Variants in CTNNA3 observed in about 807,000 individuals in gnomAD.
The protein encoded by CTNNA3 is catenin alpha-3.
In CTNNA3, 76 loss-of-function variants were observed where a neutral mutation model predicts 95.7. That is an observed-to-expected ratio of 0.79 (90% confidence interval 0.66 to 0.96). CTNNA3 has a LOEUF of 0.96. Among genes scored for constraint, CTNNA3 ranks in the 40% least tolerant of loss-of-function variants. The probability of loss-of-function intolerance (pLI) is 0.00; values close to 1 mark genes in which losing one functional copy is unlikely to be tolerated. For synonymous variants in CTNNA3, 431 were observed against 374.4 expected, an observed-to-expected ratio of 1.15 and a Z score of -1.74; for missense variants, 1,191 against 1,089.8, an observed-to-expected ratio of 1.09 and a Z score of -1.31.
intron 9 of CTNNA3, among the ~76,000 whole-genome samples, chr10:66,765,817 T>G (rs942166480): frequency 1.3e-5 from 2 of 152,148 alleles, no homozygotes; most frequent in Non-Finnish European, 2.9e-5. Context: ...CTACCCCTAC[T>G]TACTTATTCC....
intron 5 of CTNNA3, among the ~76,000 whole-genome samples, chr10:67,337,200 G>A (rs1175367764): frequency 1.3e-5 from 2 of 152,138 alleles, no homozygotes; most frequent in Admixed American, 6.5e-5. Context: ...ATTCATGGGA[G>A]GAGGTCAAAA....
chr10:66,391,071 T>G (rs566798444), intron 11 of CTNNA3, among the ~76,000 whole-genome samples: 5 of 152,108 alleles, frequency 3.3e-5, no homozygotes, highest in Non-Finnish European at 7.4e-5. Flanking sequence ...TAGTCAAAAT[T>G]GTAGTCACTT....
rs150628384 is a variant in CTNNA3, at chr10:67,359,444, G to A, written c.580-139574C>T. 1.9e-3 allele frequency among the ~76,000 whole-genome samples: 286 copies of A among 152,188 alleles called. 1 individual carries two copies. Among genetic ancestry groups the A allele is most frequent in the Non-Finnish European group, 2.7e-3 (185 of 67,986 alleles). On this transcript the variant is annotated intron_variant, in intron 5 of 17. Coordinates refer to ENST00000433211, the MANE Select transcript of CTNNA3 (RefSeq NM_013266.4). ...CAGAATCTGGATGGGTAGGAAGCTC[G>A]ATGAGATTCAAGAAAAAGTTGAAAG... is the stretch of plus-strand genomic sequence containing the variant.
rs534354906 is a variant in CTNNA3 at position 67,057,301 on chromosome 10, T to G, written c.1047+123016A>C. Among the ~76,000 whole-genome samples, 35 of 152,270 alleles carry G rather than the reference T, an allele frequency of 2.3e-4. No individual in the cohort carries two copies. The South Asian group carries it at 7.0e-3, about 31-fold the overall frequency. On this transcript the variant is annotated intron_variant, in intron 7 of 17. Coordinates refer to ENST00000433211, the MANE Select transcript of CTNNA3 (RefSeq NM_013266.4). ...TGTGCTGAGAATACTTAGGTTCCAC[T>G]TTCTTAGCATATGTCAAGTATACTC...
At chr10:66,702,735 T>C (rs978271818) in intron 9 of CTNNA3, among the ~76,000 whole-genome samples, 4 of 100,234 alleles carry the variant, frequency 4.0e-5, no homozygotes, top group Non-Finnish European at 9.1e-5. Flanking sequence ...AAAGAATAAG[T>C]AGTAGTAGTA....
intron 7 of CTNNA3, among the ~76,000 whole-genome samples, chr10:66,900,326 C>A (rs562610242): frequency 6.6e-6 from 1 of 152,244 alleles, no homozygotes; most frequent in South Asian, 2.1e-4. Flanking sequence ...ATAGCATCAA[C>A]ATCAACAAAA....
At chr10:67,025,327 A>G (rs1853304221) in intron 7 of CTNNA3, among the ~76,000 whole-genome samples, 2 of 151,006 alleles carry the variant, frequency 1.3e-5, no homozygotes. Flanking sequence ...TTGTAAGCCC[A>G]TGCAAAAAAA....
At chr10:66,888,710 C>A (rs896327052) in intron 7 of CTNNA3, among the ~76,000 whole-genome samples, 2 of 152,150 alleles carry the variant, frequency 1.3e-5, no homozygotes, top group Non-Finnish European at 1.5e-5. Flanking sequence ...ATCCAAAACA[C>A]TATAACACCA....
chr10:66,847,945 T>C (rs1042199424), intron 7 of CTNNA3, among the ~76,000 whole-genome samples: 6 of 152,072 alleles, frequency 3.9e-5, no homozygotes, highest in African/African-American at 1.4e-4. Context: ...AGGTATGTTA[T>C]AATAGATGAG....
chr10:66,571,250 T>C (rs773606598), intron 10 of CTNNA3, among the ~76,000 whole-genome samples: 5 of 152,220 alleles, frequency 3.3e-5, no homozygotes, highest in Non-Finnish European at 7.3e-5. Flanking sequence ...TATAGTCATA[T>C]GTGTAGGTGT....
intron 13 of CTNNA3, among the ~76,000 whole-genome samples, chr10:66,217,969 A>C (rs573586661): frequency 5.9e-5 from 9 of 152,156 alleles, no homozygotes; most frequent in African/African-American, 2.2e-4. Context: ...TAGGGGAAGG[A>C]GCTGGAGCCA....
At chr10:66,190,407 G>T (rs2086605816) in intron 13 of CTNNA3, among the ~76,000 whole-genome samples, 1 of 152,100 alleles carries the variant, frequency 6.6e-6, no homozygotes, top group African/African-American at 2.4e-5. Context: ...TGGAAGAGTA[G>T]TCTTTTAGAC....
At chr10:67,021,822 A>G (rs1853032525) in intron 7 of CTNNA3, among the ~76,000 whole-genome samples, 1 of 152,336 alleles carries the variant, frequency 6.6e-6, no homozygotes, top group East Asian at 1.9e-4. Flanking sequence ...AATGAAAGGA[A>G]GTACTATAAA....
At chr10:66,851,982 A>G (rs369422246) in intron 7 of CTNNA3, among the ~76,000 whole-genome samples, 2 of 152,116 alleles carry the variant, frequency 1.3e-5, no homozygotes, top group East Asian at 3.9e-4. Context: ...AAAGACAACA[A>G]TGGGATGAAG....
At chr10:67,255,446 C>G (rs540892957) in intron 5 of CTNNA3, among the ~76,000 whole-genome samples, 49 of 152,136 alleles carry the variant, frequency 3.2e-4, no homozygotes, top group Non-Finnish European at 6.8e-4. Flanking sequence ...TCCAACAATC[C>G]TGAGACCTAT....
chr10:66,753,828 T>A (rs934561987), intron 9 of CTNNA3, among the ~76,000 whole-genome samples: 17 of 151,826 alleles, frequency 1.1e-4, no homozygotes, highest in Admixed American at 5.9e-4. Flanking sequence ...CTGAATAAAT[T>A]TAATGAAATA....
At chr10:67,529,090 C>T (rs1450221473) in intron 4 of CTNNA3, among the ~76,000 whole-genome samples, 2 of 151,776 alleles carry the variant, frequency 1.3e-5, no homozygotes, top group Non-Finnish European at 2.9e-5. Flanking sequence ...GTTAGCGATT[C>T]CAGAATGTAT....
intron 12 of CTNNA3, among the ~76,000 whole-genome samples, chr10:66,356,545 T>C (rs1270275242): frequency 6.6e-6 from 1 of 151,990 alleles, no homozygotes; most frequent in East Asian, 1.9e-4. Flanking sequence ...TTCACAATCA[T>C]GTCATCTGCA....
rs530856687 is a variant in CTNNA3 at position 66,704,873 on chromosome 10, C to T, written c.1281+61391G>A. 2.0e-5 allele frequency among the ~76,000 whole-genome samples: 3 copies of T among 152,216 alleles called. No homozygotes were observed. In the South Asian group the frequency reaches 6.2e-4, roughly 32 times the overall value. On this transcript the variant is annotated intron_variant, in intron 9 of 17. Transcript: ENST00000433211. Reference sequence around the variant, plus strand: ...ACTTCTTCCTTTCCAATCTGGATGTCATTTGTTCATTCATTCATTCATTCA... The same window carrying T: ...ACTTCTTCCTTTCCAATCTGGATGTTATTTGTTCATTCATTCATTCATTCA...
Sources: allele counts gnomAD v4.1 joint callset (sites outside exome capture counted in the v4.1 genomes callset), GRCh38; gene constraint gnomAD v4.1.1; transcripts MANE v1.5; gene names NCBI Gene and HGNC (gene_info 2026-07-23, HGNC 2026-07-21).